ZNF799: variants seen among roughly 807,000 people sequenced by gnomAD.
ZNF799 encodes the protein zinc finger protein 799, also known as zinc finger protein 14.
A neutral mutation model predicts 41.0 loss-of-function variants in ZNF799; 28 were observed. That is an observed-to-expected ratio of 0.68 (90% confidence interval 0.51 to 0.94). The LOEUF (loss-of-function observed/expected upper bound fraction) is 0.94. Ranked by LOEUF, ZNF799 falls within the 40% of genes least tolerant of loss-of-function variation. The pLI is 0.00. For missense variants in ZNF799, 716 were observed against 764.3 expected (o/e 0.94, Z 0.74); for synonymous variants, 213 against 252.9 (o/e 0.84, Z 1.50).
chr19:12,395,002 G>C (rs1246439399), intron 1 of ZNF799: 5 of 397,194 alleles, frequency 1.3e-5, no homozygotes, highest in Non-Finnish European at 1.7e-5. Flanking sequence ...TACCAGTCTT[G>C]AACACAGCAG....
At chr19:12,408,879 CA>C in the ZNF799 span, among the ~76,000 whole-genome samples, 2 of 151,840 alleles carry the variant, frequency 1.3e-5, no homozygotes, top group African/African-American at 4.8e-5. Flanking sequence ...ACTAAAAATA[CA>C]AAAAATTAGC....
Position 12,391,145 on chromosome 19 carries a change from T to C in ZNF799, c.1253A>G (p.Glu418Gly). 1 of 1,614,224 alleles carries C rather than the reference T, an allele frequency of 6.2e-7. No homozygotes were observed. The highest frequency in any genetic ancestry group is 1.6e-4 in the Middle Eastern group (1 of 6,062). The change falls in exon 4 of 4, where the codon GAG becomes GGG. Residue 418 changes from glutamate (E) to glycine (G), a missense_variant. Around this residue, in one of 2 missense-constraint regions of ZNF799, gnomAD observed 698 missense variants for 713.6 expected, o/e 0.98. Transcript: ENST00000430385. Reference sequence around the variant, plus strand: ...ACATTGTTTACATTTATAGGGTTTCTCTGCAGTGTGAGTCTTTTCATGCCT... The same window carrying C: ...ACATTGTTTACATTTATAGGGTTTCCCTGCAGTGTGAGTCTTTTCATGCCT... ...FQRHEKTHTA[E>G]KPYKCKQCGK...
At chr19:12,392,723 A>C (rs1176270412) in intron 2 of ZNF799, 60 bp from the exon 3 acceptor site, 2 of 1,343,288 alleles carry the variant, frequency 1.5e-6, no homozygotes, top group African/African-American at 2.9e-5. Flanking sequence ...ACAAACAGTA[A>C]CATTTTGATG....
the ZNF799 span, among the ~76,000 whole-genome samples, chr19:12,408,107 T>TTGTGCCACTGCACTCCAGCA: frequency 7.9e-5 from 12 of 152,192 alleles, no homozygotes; most frequent in Middle Eastern, 3.4e-3. Context: ...TCAGCTATGA[T>TTGTGCCACTGCACTCCAGCA]TGTGCCACTG....
chr19:12,403,822 G>C (rs1013467857), upstream of ZNF799, among the ~76,000 whole-genome samples: 1 of 152,160 alleles, frequency 6.6e-6, no homozygotes, highest in Non-Finnish European at 1.5e-5. Context: ...AAAGTGCTGG[G>C]ATTACAGGTG....
the ZNF799 span, among the ~76,000 whole-genome samples, chr19:12,409,721 C>T: frequency 6.6e-6 from 1 of 152,120 alleles, no homozygotes; most frequent in Non-Finnish European, 1.5e-5. Flanking sequence ...TAGAATTAAT[C>T]TAGAAACCAG....
Position 12,391,754 on chromosome 19 carries a change from T to C in ZNF799, c.644A>G (p.His215Arg). 2 of 1,614,180 alleles carry C rather than the reference T, an allele frequency of 1.2e-6. No individual in the cohort carries two copies. The highest frequency in any genetic ancestry group is 1.7e-6 in the Non-Finnish European group (2 of 1,180,018). ...AFFWPSLLHMHERTHTGEKPY... is the reference protein window; with the variant it reads ...AFFWPSLLHMRERTHTGEKPY... The stretch of plus-strand genomic sequence containing the variant: ...TTTCTCTCCAGTGTGCGTTCTCTCA[T>C]GCATATGTAATAAACTGGGCCAAAA... Residue 215 changes from histidine (H) to arginine (R), a missense_variant, in exon 4 of 4, where the codon CAT (histidine) becomes CGT (arginine). Transcript: ENST00000430385.
Position 12,401,048 on chromosome 19 carries a change from C to A in ZNF799, c.3+20G>T, listed in dbSNP as rs1486826409. 2 of 1,613,886 alleles carry A rather than the reference C, an allele frequency of 1.2e-6. No homozygotes were observed. The highest frequency in any genetic ancestry group is 2.2e-5 in the East Asian group (1 of 44,896). ...ACCCAGCCCCTCCCCCGCCTCGGGA[C>A]GCCGGCCCAGCACACGCACCATTTC... is the stretch of plus-strand genomic sequence containing the variant. On this transcript the variant is annotated intron_variant, in intron 1 of 3. Coordinates refer to ENST00000430385, the MANE Select transcript of ZNF799 (RefSeq NM_001080821.3).
At chr19:12,401,044 G>C (rs199800367) in intron 1 of ZNF799, 24 bp downstream of exon 1, 3 of 1,613,958 alleles carry the variant, frequency 1.9e-6, no homozygotes, top group South Asian at 1.1e-5. Flanking sequence ...CCCCCGCCTC[G>C]GGACGCCGGC....
the ZNF799 span, among the ~76,000 whole-genome samples, chr19:12,414,868 A>C: frequency 6.6e-6 from 1 of 152,228 alleles, no homozygotes; most frequent in East Asian, 1.9e-4. Context: ...TGAGGCAGGG[A>C]CATGGAAGCA....
chr19:12,408,475 G>A, the ZNF799 span, among the ~76,000 whole-genome samples: 4 of 152,160 alleles, frequency 2.6e-5, no homozygotes, highest in Non-Finnish European at 4.4e-5. Flanking sequence ...TGATAGAGTA[G>A]AAGGAAAAAA....
intron 1 of ZNF799, 21 bp downstream of exon 1, chr19:12,401,047 A>T (rs759288047): frequency 4.2e-5 from 67 of 1,613,882 alleles, no homozygotes; most frequent in Non-Finnish European, 5.7e-5. Context: ...CCGCCTCGGG[A>T]CGCCGGCCCA....
chr19:12,391,615 G>A lies in ZNF799; in HGVS notation c.783C>T (p.Ala261=). The change falls in exon 4 of 4, where the codon GCC becomes GCT. Residue 261 remains alanine, a synonymous_variant. Coordinates refer to ENST00000430385, the MANE Select transcript of ZNF799 (RefSeq NM_001080821.3). ...TTAGACAAGAACTGTAATCAGGGAAGGCTTTAGAACACTGTTTACATTCAT... is the reference window on the plus strand; with the variant it reads ...TTAGACAAGAACTGTAATCAGGGAAAGCTTTAGAACACTGTTTACATTCAT... ...KLYECKQCSK[A]FPDYSSCLRH... The A allele has an allele frequency of 6.2e-7, 1 of 1,612,358 alleles. No individual in the cohort carries two copies.
intron 1 of ZNF799, chr19:12,394,588 C>A (rs982161587): frequency 1.0e-6 from 1 of 985,002 alleles, no homozygotes. Flanking sequence ...TGAAGTATGA[C>A]AACAGACTGA....
At chr19:12,401,402 C>CT, upstream of ZNF799, 1 of 580,536 alleles carries the variant, frequency 1.7e-6, no homozygotes, top group East Asian at 3.4e-5. Context: ...TGACACAGCC[C>CT]TTGGCAGGGC....
the ZNF799 span, among the ~76,000 whole-genome samples, chr19:12,412,816 G>C: frequency 6.6e-6 from 1 of 151,870 alleles, no homozygotes; most frequent in Non-Finnish European, 1.5e-5. Flanking sequence ...AAGGCAGGCA[G>C]ATCACCTGAG....
chr19:12,395,333 G>A (rs981256331), intron 1 of ZNF799, among the ~76,000 whole-genome samples: 4 of 151,846 alleles, frequency 2.6e-5, no homozygotes, highest in Non-Finnish European at 4.4e-5. Context: ...CTAGAGACGG[G>A]GTTTCACCCT....
chr19:12,395,295 C>T (rs1969878722), intron 1 of ZNF799, among the ~76,000 whole-genome samples: 1 of 152,010 alleles, frequency 6.6e-6, no homozygotes, highest in Non-Finnish European at 1.5e-5. Context: ...GCATGCTCCA[C>T]CACATCCGGC....
At position 12,391,122 on chromosome 19, in the gene ZNF799, A is replaced by ATT. The variant is rs1969806820; in HGVS notation, c.1274_1275dup (p.Cys426AsnfsTer95). ...CTGGAAATACGGTAGGCTTTGCCAC[A>ATT]TTGTTTACATTTATAGGGTTTCTCT... On this transcript the variant is annotated frameshift_variant, in exon 4 of 4. Coordinates refer to ENST00000430385, the MANE Select transcript of ZNF799 (RefSeq NM_001080821.3). LOFTEE classifies it high-confidence loss of function. 1 of 1,614,042 alleles carries ATT rather than the reference A, an allele frequency of 6.2e-7. No individual in the cohort carries two copies. The highest frequency in any genetic ancestry group is 1.3e-5 in the African/African-American group (1 of 74,924).
Sources: gnomAD v4.1 joint callset for allele counts (sites outside exome capture counted in the v4.1 genomes callset) on GRCh38, gnomAD v4.1.1 for gene constraint, gnomAD v4.1.1 regional missense constraint, MANE v1.5 for transcripts, NCBI Gene and HGNC (gene_info 2026-07-23, HGNC 2026-07-21) for gene names.